Variants in BFSP2 observed in about 807,000 individuals in gnomAD.
BFSP2 encodes beaded filament structural protein 2.
In BFSP2, 38 loss-of-function variants were observed where a neutral mutation model predicts 44.9. That is an observed-to-expected ratio of 0.85 (90% CI 0.65 to 1.11). The LOEUF is 1.11. Among genes scored for constraint, BFSP2 ranks in the 50% least tolerant of loss-of-function variants. BFSP2 has a pLI of 0.00. For missense variants in BFSP2, 525 were observed against 533.0 expected (o/e 0.99, Z 0.15); for synonymous variants, 197 against 209.9 (o/e 0.94, Z 0.53).
intron 1 of BFSP2, among the ~76,000 whole-genome samples, chr3:133,407,746 T>C (rs889274082): frequency 1.3e-5 from 2 of 152,100 alleles, no homozygotes; most frequent in Non-Finnish European, 2.9e-5. Flanking sequence ...GGAAATTGAG[T>C]ATTGATGAAG....
At chr3:133,446,408 A>G (rs988358165) in intron 1 of BFSP2, among the ~76,000 whole-genome samples, 1 of 151,222 alleles carries the variant, frequency 6.6e-6, no homozygotes, top group Non-Finnish European at 1.5e-5. Context: ...GCAACAAAGC[A>G]AGACTCTGTC....
intron 4 of BFSP2, among the ~76,000 whole-genome samples, chr3:133,461,852 C>A (rs2107936386): frequency 6.6e-6 from 1 of 152,306 alleles, no homozygotes; most frequent in South Asian, 2.1e-4. Flanking sequence ...GCTGGGAGGT[C>A]TTTAACACCT....
chr3:133,406,987 T>C (rs2073410358), intron 1 of BFSP2, among the ~76,000 whole-genome samples: 1 of 152,184 alleles, frequency 6.6e-6, no homozygotes, highest in Admixed American at 6.5e-5. Context: ...GGCAGAAGGA[T>C]CACTTGAGCC....
At chr3:133,439,735 A>C (rs2073826076) in intron 1 of BFSP2, among the ~76,000 whole-genome samples, 1 of 152,218 alleles carries the variant, frequency 6.6e-6, no homozygotes, top group African/African-American at 2.4e-5. Flanking sequence ...GGAAAAATAA[A>C]ACTAGACTGA....
intron 6 of BFSP2, among the ~76,000 whole-genome samples, chr3:133,473,305 A>G (rs1409290565): frequency 2.6e-5 from 4 of 151,916 alleles, no homozygotes; most frequent in African/African-American, 7.3e-5. Flanking sequence ...AGCTCTTTTC[A>G]TCTTTCTAAC....
chr3:133,429,818 ATATG>A (rs1468224361), intron 1 of BFSP2: 2 of 151,728 alleles, frequency 1.3e-5, no homozygotes, highest in Non-Finnish European at 2.9e-5. Flanking sequence ...GGTTAGTTAC[ATATG>A]TATACATGTG....
chr3:133,427,290 C>A (rs1473422250), intron 1 of BFSP2, among the ~76,000 whole-genome samples: 4 of 152,210 alleles, frequency 2.6e-5, no homozygotes, highest in African/African-American at 7.2e-5. Flanking sequence ...CTCAAGGAAC[C>A]CAGCATGTTC....
intron 1 of BFSP2, 22 bp from the exon 2 acceptor site, chr3:133,447,295 T>C (rs1456344823): frequency 2.5e-6 from 4 of 1,613,224 alleles, no homozygotes; most frequent in Admixed American, 1.7e-5. Context: ...CTTGTCTCCT[T>C]TGGTGTGTGT....
intron 1 of BFSP2, among the ~76,000 whole-genome samples, chr3:133,418,208 A>C (rs890729992): frequency 1.3e-5 from 2 of 151,794 alleles, no homozygotes; most frequent in Non-Finnish European, 2.9e-5. Context: ...CCTACTGCCC[A>C]GAGTACTTCC....
chr3:133,400,414 C>T lies in BFSP2; in HGVS notation c.331C>T (p.Leu111=). The T allele has an allele frequency of 4.3e-6, 7 of 1,614,038 alleles. No homozygotes were observed. The highest frequency in any genetic ancestry group is 5.9e-6 in the Non-Finnish European group (7 of 1,180,028). The change falls in exon 1 of 7, where the codon CTA becomes TTA. Residue 111 remains leucine (L), a synonymous_variant. Transcript: ENST00000302334. The surrounding 1 kb of genome is among the most constrained non-coding windows in gnomAD (Gnocchi z 4.0). The part of the protein sequence containing the change: ...LERDHGAVED[L]GGCLVEYMAK... Reference sequence around the variant, plus strand: ...GAGGGACCATGGTGCTGTTGAGGACCTAGGGGGCTGCCTGGTGGAATATAT... The same window carrying T: ...GAGGGACCATGGTGCTGTTGAGGACTTAGGGGGCTGCCTGGTGGAATATAT...
At chr3:133,424,769 G>A (rs1456586412) in intron 1 of BFSP2, among the ~76,000 whole-genome samples, 2 of 152,268 alleles carry the variant, frequency 1.3e-5, no homozygotes, top group African/African-American at 4.8e-5. Flanking sequence ...TCAAGTAGCA[G>A]GGATTACAGG....
intron 1 of BFSP2, among the ~76,000 whole-genome samples, chr3:133,443,689 C>T (rs1456845504): frequency 6.6e-6 from 1 of 152,162 alleles, no homozygotes; most frequent in Non-Finnish European, 1.5e-5. Context: ...GAACATCCAT[C>T]CTAAACTTGA....
At chr3:133,431,443 G>A (rs2073717045) in intron 1 of BFSP2, among the ~76,000 whole-genome samples, 1 of 152,076 alleles carries the variant, frequency 6.6e-6, no homozygotes, top group Non-Finnish European at 1.5e-5. Context: ...AGGAATGCCC[G>A]CAGCCCAGGA....
At chr3:133,453,040 G>A (rs1013454384) in intron 4 of BFSP2, among the ~76,000 whole-genome samples, 5 of 152,178 alleles carry the variant, frequency 3.3e-5, no homozygotes, top group Non-Finnish European at 7.3e-5. Flanking sequence ...CTACATCTCA[G>A]AGAAAACAGA....
chr3:133,412,338 T>C (rs1323237666), intron 1 of BFSP2: 2 of 152,244 alleles, frequency 1.3e-5, no homozygotes, highest in African/African-American at 2.4e-5. Flanking sequence ...TGAAATGATG[T>C]GTGTAAATCG....
chr3:133,466,326 C>T (rs892818668), intron 4 of BFSP2, among the ~76,000 whole-genome samples: 25 of 151,898 alleles, frequency 1.6e-4, no homozygotes, highest in Admixed American at 9.2e-4. Flanking sequence ...TTGCAGGCAT[C>T]GTATGTTCAA....
rs76215287 is a variant in BFSP2 at position 133,467,158 on chromosome 3, C to T, written c.1023+199C>T. The stretch of plus-strand genomic sequence containing the variant: ...GTGCAATAGACACTGTAGTGCCCCA[C>T]GGAAATATCTCTTACCAGGCTGCTG... On this transcript the variant is annotated intron_variant, in intron 5 of 6. Transcript: ENST00000302334. Among the ~76,000 whole-genome samples the T allele has an allele frequency of 0.069, 10,547 of 152,232 alleles. 509 individuals carry two copies. The highest frequency in any genetic ancestry group is 0.22 in the East Asian group (1,119 of 5,168).
chr3:133,449,618 C>T (rs985809194), intron 3 of BFSP2, among the ~76,000 whole-genome samples: 1 of 151,974 alleles, frequency 6.6e-6, no homozygotes, highest in Admixed American at 6.6e-5. Flanking sequence ...GTGGTTCAAG[C>T]CTGTAATCCC....
intron 6 of BFSP2, among the ~76,000 whole-genome samples, chr3:133,473,305 ATCTT>A (rs1234896367): frequency 6.6e-6 from 1 of 151,916 alleles, no homozygotes; most frequent in Non-Finnish European, 1.5e-5. Context: ...AGCTCTTTTC[ATCTT>A]TCTAACATAC....
Sources: gnomAD v4.1 joint callset for allele counts (sites outside exome capture counted in the v4.1 genomes callset) on GRCh38, gnomAD v4.1.1 for gene constraint, Gnocchi (gnomAD v3.1) non-coding constraint, MANE v1.5 for transcripts, NCBI Gene and HGNC (gene_info 2026-07-23, HGNC 2026-07-21) for gene names.